Variants in TOP6BL observed in about 807,000 individuals in gnomAD.
The protein encoded by TOP6BL is TOP6B like initiator of meiotic double strand breaks.
chr11:66,782,486 A>C, the TOP6BL span, among the ~76,000 whole-genome samples: 12 of 152,218 alleles, frequency 7.9e-5, no homozygotes, highest in Admixed American at 7.9e-4. Context: ...TGCCCTGCAG[A>C]TTCCAGGTAC....
the TOP6BL span, among the ~76,000 whole-genome samples, chr11:66,773,054 C>A: frequency 6.6e-5 from 10 of 152,094 alleles, no homozygotes; most frequent in East Asian, 1.5e-3. Context: ...AATTCAATTT[C>A]TTTAATAATT....
chr11:66,759,070 G>T, the TOP6BL span: 4 of 1,565,198 alleles, frequency 2.6e-6, no homozygotes, highest in African/African-American at 5.4e-5. Flanking sequence ...CTTTTTGGTG[G>T]CATGGTCCTC....
At chr11:66,813,907 A>G in the TOP6BL span, 12 of 1,613,942 alleles carry the variant, frequency 7.4e-6, no homozygotes, top group Middle Eastern at 1.6e-4. Context: ...GATATTGTCA[A>G]CTTGGGAGCA....
At chr11:66,763,292 C>T in the TOP6BL span, among the ~76,000 whole-genome samples, 1 of 152,204 alleles carries the variant, frequency 6.6e-6, no homozygotes, top group Non-Finnish European at 1.5e-5. Context: ...TCTTGGCCCT[C>T]TGAATCTACC....
chr11:66,842,238 G>A, the TOP6BL span, among the ~76,000 whole-genome samples: 1 of 152,156 alleles, frequency 6.6e-6, no homozygotes, highest in African/African-American at 2.4e-5. Flanking sequence ...ATCTCCTCAT[G>A]GAAACCCTTC....
the TOP6BL span, chr11:66,771,564 T>G: frequency 6.5e-6 from 1 of 152,978 alleles, no homozygotes; most frequent in African/African-American, 2.4e-5. Flanking sequence ...TGCCACATCA[T>G]TGTGGTCAAA....
the TOP6BL span, among the ~76,000 whole-genome samples, chr11:66,806,238 C>T: frequency 6.6e-6 from 1 of 152,172 alleles, no homozygotes; most frequent in Admixed American, 6.5e-5. Flanking sequence ...CTCACTTAAC[C>T]AGCCTAAGCC....
chr11:66,837,283 C>T, the TOP6BL span, among the ~76,000 whole-genome samples: 6 of 151,948 alleles, frequency 3.9e-5, no homozygotes, highest in East Asian at 1.9e-4. Context: ...CCTGCCACCA[C>T]GCCTGGCTAA....
the TOP6BL span, chr11:66,795,848 G>C: frequency 6.5e-6 from 1 of 152,678 alleles, no homozygotes; most frequent in Non-Finnish European, 1.5e-5. Flanking sequence ...GTCAAAAATA[G>C]GTTCCTTTTA....
At chr11:66,777,513 A>G in the TOP6BL span, among the ~76,000 whole-genome samples, 2 of 152,228 alleles carry the variant, frequency 1.3e-5, no homozygotes, top group Non-Finnish European at 1.5e-5. Flanking sequence ...TCTTTACTAT[A>G]TTGAAAATTT....
chr11:66,773,618 C>A, the TOP6BL span, among the ~76,000 whole-genome samples: 1 of 152,066 alleles, frequency 6.6e-6, no homozygotes, highest in Non-Finnish European at 1.5e-5. Flanking sequence ...ATCTTTTATT[C>A]TTTCTTTTGC....
chr11:66,750,568 C>G, the TOP6BL span, among the ~76,000 whole-genome samples: 2 of 151,156 alleles, frequency 1.3e-5, no homozygotes, highest in Non-Finnish European at 2.9e-5. Context: ...AACAAAAAAC[C>G]CGACAGTACC....
chr11:66,785,159 A>G, the TOP6BL span, among the ~76,000 whole-genome samples: 8 of 151,722 alleles, frequency 5.3e-5, no homozygotes, highest in South Asian at 1.7e-3. Flanking sequence ...GGGTTTCACC[A>G]TGTTGTCCAG....
At chr11:66,786,482 A>G in the TOP6BL span, among the ~76,000 whole-genome samples, 2 of 152,212 alleles carry the variant, frequency 1.3e-5, no homozygotes, top group African/African-American at 4.8e-5. Context: ...ATTTAACTGT[A>G]GTCAACCTAT....
the TOP6BL span, among the ~76,000 whole-genome samples, chr11:66,840,565 C>G: frequency 6.6e-6 from 1 of 152,162 alleles, no homozygotes; most frequent in African/African-American, 2.4e-5. Flanking sequence ...TCCTCAACCT[C>G]TCTCCCTCAC....
the TOP6BL span, among the ~76,000 whole-genome samples, chr11:66,754,624 A>G: frequency 1.3e-5 from 2 of 152,200 alleles, no homozygotes; most frequent in Non-Finnish European, 2.9e-5. Context: ...CTTCTCTTCA[A>G]TATCAATATC....
the TOP6BL span, among the ~76,000 whole-genome samples, chr11:66,812,865 G>C: frequency 6.6e-6 from 1 of 152,174 alleles, no homozygotes; most frequent in Non-Finnish European, 1.5e-5. Context: ...CTAGAGGCCA[G>C]GGATTCTGCT....
At chr11:66,836,944 C>T in the TOP6BL span, among the ~76,000 whole-genome samples, 1 of 151,644 alleles carries the variant, frequency 6.6e-6, no homozygotes, top group Non-Finnish European at 1.5e-5. Flanking sequence ...CATTATCTGC[C>T]TGGCTCAGTC....
chr11:66,770,060 T>C, the TOP6BL span, among the ~76,000 whole-genome samples: 2 of 152,034 alleles, frequency 1.3e-5, no homozygotes, highest in African/African-American at 4.8e-5. Flanking sequence ...TTAGCAGTTT[T>C]ATAAGAAGAG....
Sources: gnomAD v4.1 joint callset for allele counts (sites outside exome capture counted in the v4.1 genomes callset) on GRCh38, gnomAD v4.1.1 for gene constraint, MANE v1.5 for transcripts, NCBI Gene and HGNC (gene_info 2026-07-23, HGNC 2026-07-21) for gene names.